KLHL1: variants seen among roughly 807,000 people sequenced by gnomAD.
KLHL1 encodes kelch like family member 1, also known as kelch-like protein 1.
KLHL1 carries 47 observed loss-of-function variants against 77.7 expected under a neutral mutation model. The ratio of observed to expected loss-of-function variants is 0.60; its 90% CI spans 0.48 to 0.77. The LOEUF is 0.77. Among genes scored for constraint, KLHL1 ranks in the 30% least tolerant of loss-of-function variants. The pLI is 0.00. For synonymous variants in KLHL1, 360 were observed against 325.2 expected (o/e 1.11, Z -1.15); for missense variants, 925 against 910.8 (o/e 1.02, Z -0.20).
intron 1 of KLHL1, among the ~76,000 whole-genome samples, chr13:70,000,649 C>T (rs184078802): frequency 1.6e-4 from 24 of 151,828 alleles, no homozygotes; most frequent in African/African-American, 5.8e-4. Flanking sequence ...ATATAGCTAA[C>T]ATATTTGTCT....
chr13:69,898,674 C>T (rs1488391686), intron 4 of KLHL1, among the ~76,000 whole-genome samples: 1 of 152,164 alleles, frequency 6.6e-6, no homozygotes, highest in Admixed American at 6.5e-5. Context: ...CCCAAAAGGA[C>T]TTGCTGACAT....
chr13:69,723,981 G>C (rs1243284652), intron 8 of KLHL1, among the ~76,000 whole-genome samples: 2 of 151,720 alleles, frequency 1.3e-5, no homozygotes, highest in African/African-American at 4.8e-5. Flanking sequence ...GGGACTACAG[G>C]TGCCCACCAC....
intron 1 of KLHL1, among the ~76,000 whole-genome samples, chr13:70,064,048 T>A (rs1317248204): frequency 3.3e-5 from 5 of 152,132 alleles, no homozygotes; most frequent in African/African-American, 1.2e-4. Context: ...ATTATCAGAA[T>A]TGATTATCAA....
At chr13:69,966,243 C>T (rs1884207602) in intron 2 of KLHL1, among the ~76,000 whole-genome samples, 1 of 152,134 alleles carries the variant, frequency 6.6e-6, no homozygotes, top group Admixed American at 6.6e-5. Context: ...GACAGGCTAA[C>T]TCTCTTTTTA....
intron 7 of KLHL1, among the ~76,000 whole-genome samples, chr13:69,762,003 G>A (rs117920606): frequency 0.011 from 1,698 of 152,196 alleles, 11 homozygotes; most frequent in Middle Eastern, 0.027. Flanking sequence ...CCATTTGATC[G>A]TTTAGACAGA....
At chr13:70,002,887 G>A (rs1264511818) in intron 1 of KLHL1, among the ~76,000 whole-genome samples, 4 of 151,512 alleles carry the variant, frequency 2.6e-5, no homozygotes, top group African/African-American at 9.7e-5. Context: ...AATTCCAGAT[G>A]TCCAAAAGGA....
chr13:70,028,517 C>T (rs1174626922), intron 1 of KLHL1, among the ~76,000 whole-genome samples: 2 of 151,892 alleles, frequency 1.3e-5, no homozygotes, highest in Non-Finnish European at 2.9e-5. Flanking sequence ...ATTTTTCAGG[C>T]AAAAAGCAGT....
At chr13:69,978,243 G>C (rs532769429) in intron 1 of KLHL1, among the ~76,000 whole-genome samples, 5 of 151,912 alleles carry the variant, frequency 3.3e-5, no homozygotes, top group Non-Finnish European at 7.4e-5. Flanking sequence ...TTGACTCTCA[G>C]GTAGAAAGGA....
At chr13:69,904,053 A>G (rs1881967551) in intron 4 of KLHL1, among the ~76,000 whole-genome samples, 1 of 152,006 alleles carries the variant, frequency 6.6e-6, no homozygotes, top group Non-Finnish European at 1.5e-5. Context: ...TAACCTATAT[A>G]TTATTATATT....
chr13:70,015,033 C>T (rs1434179354), intron 1 of KLHL1, among the ~76,000 whole-genome samples: 3 of 152,062 alleles, frequency 2.0e-5, no homozygotes, highest in African/African-American at 7.2e-5. Context: ...AAGTGATTTA[C>T]ACTAATGAAA....
At chr13:69,801,499 T>C (rs969189084) in intron 6 of KLHL1, among the ~76,000 whole-genome samples, 1 of 152,180 alleles carries the variant, frequency 6.6e-6, no homozygotes, top group African/African-American at 2.4e-5. Context: ...GCATTAGCTT[T>C]AGTAGGCAAT....
At chr13:69,885,779 A>G (rs1881193355) in intron 4 of KLHL1, among the ~76,000 whole-genome samples, 1 of 152,162 alleles carries the variant, frequency 6.6e-6, no homozygotes, top group Admixed American at 6.5e-5. Context: ...TGAGGACAAA[A>G]TGGATTTGAA....
intron 1 of KLHL1, among the ~76,000 whole-genome samples, chr13:70,034,224 T>C (rs1886185901): frequency 6.6e-6 from 1 of 152,214 alleles, no homozygotes; most frequent in Non-Finnish European, 1.5e-5. Context: ...ATTATTGCTA[T>C]CTCATTGAAC....
chr13:69,858,955 T>C (rs773318766), intron 5 of KLHL1, among the ~76,000 whole-genome samples: 1 of 152,098 alleles, frequency 6.6e-6, no homozygotes, highest in Non-Finnish European at 1.5e-5. Context: ...TCTTTCTCTG[T>C]CTATATCTAT....
At chr13:70,077,531 T>C (rs1014319138) in intron 1 of KLHL1, among the ~76,000 whole-genome samples, 1 of 152,126 alleles carries the variant, frequency 6.6e-6, no homozygotes. Context: ...ATACATGAAA[T>C]TATGCATTTG....
chr13:69,898,633 T>C (rs774386544), intron 4 of KLHL1, among the ~76,000 whole-genome samples: 4 of 152,178 alleles, frequency 2.6e-5, no homozygotes, highest in Non-Finnish European at 5.9e-5. Flanking sequence ...GCATTGTTTA[T>C]ATGTACTTCT....
At chr13:70,015,019 G>T (rs1034964980) in intron 1 of KLHL1, among the ~76,000 whole-genome samples, 17 of 152,014 alleles carry the variant, frequency 1.1e-4, no homozygotes, top group African/African-American at 3.9e-4. Flanking sequence ...AATGTAGGAA[G>T]TTAAAGTGAT....
intron 1 of KLHL1, among the ~76,000 whole-genome samples, chr13:70,074,297 C>T (rs1246669362): frequency 6.6e-6 from 1 of 152,082 alleles, no homozygotes; most frequent in Non-Finnish European, 1.5e-5. Flanking sequence ...CTACAGTTGC[C>T]ACTCCTTTCT....
chr13:70,049,227 T>C (rs1886574288), intron 1 of KLHL1, among the ~76,000 whole-genome samples: 1 of 152,144 alleles, frequency 6.6e-6, no homozygotes, highest in Non-Finnish European at 1.5e-5. Context: ...GTAAACATCA[T>C]AGAACTAAAT....
Sources: gnomAD v4.1 joint callset for allele counts (sites outside exome capture counted in the v4.1 genomes callset) on GRCh38, gnomAD v4.1.1 for gene constraint, MANE v1.5 for transcripts, NCBI Gene and HGNC (gene_info 2026-07-23, HGNC 2026-07-21) for gene names.